The following BRCA2 variants were observed in gnomAD, a reference collection of about 807,000 sequenced individuals.
The protein encoded by BRCA2 is BRCA2 DNA repair associated.
BRCA2 carries 203 observed loss-of-function variants against 276.7 expected under a neutral mutation model. That is an observed-to-expected ratio of 0.73 (90% CI 0.65 to 0.82). The LOEUF (loss-of-function observed/expected upper bound fraction) is 0.82, where lower values mean the gene tolerates loss of function less well. BRCA2 is among the 40% of genes least tolerant of loss of function. BRCA2 has a pLI of 0.00. For missense variants in BRCA2, 3,920 were observed against 3,915.0 expected, an observed-to-expected ratio of 1.00 and a Z score of -0.03; for synonymous variants, 1,289 against 1,338.4, an observed-to-expected ratio of 0.96 and a Z score of 0.81.
chr13:32,343,584 G>A (rs1166723096), intron 11 of BRCA2, among the ~76,000 whole-genome samples: 3 of 152,106 alleles, frequency 2.0e-5, no homozygotes, highest in Non-Finnish European at 4.4e-5. Flanking sequence ...CTGTCCTTTA[G>A]TGTGAAATTC....
In BRCA2 at chr13:32,329,483, T is replaced by C; in HGVS notation, c.672T>C (p.Asp224=). The stretch of plus-strand genomic sequence containing the variant: ...CATCTGAAACTGTATTTCCTCATGA[T>C]ACTACTGCTGTAAGTAAATATGACA... ...EEASETVFPH[D]TTANVKSYFS... is the part of the protein sequence containing the mutation. The change falls in exon 8 of 27, where the codon GAT becomes GAC. Residue 224 remains aspartate (D), a synonymous_variant. Transcript: ENST00000380152. 1 of 1,597,158 alleles carries C rather than the reference T, an allele frequency of 6.3e-7. No individual in the cohort carries two copies.
chr13:32,387,196 C>G (rs531332613), intron 24 of BRCA2, among the ~76,000 whole-genome samples: 1 of 152,156 alleles, frequency 6.6e-6, no homozygotes, highest in African/African-American at 2.4e-5. Context: ...ACTGAAGGCA[C>G]AAACTATTTC....
At chr13:32,360,941 T>C (rs2072734088) in intron 16 of BRCA2, among the ~76,000 whole-genome samples, 1 of 152,180 alleles carries the variant, frequency 6.6e-6, no homozygotes. Flanking sequence ...GATAGAGTTG[T>C]ATGTAACTAC....
At chr13:32,357,235 G>T (rs775173828) in intron 15 of BRCA2, among the ~76,000 whole-genome samples, 5 of 152,194 alleles carry the variant, frequency 3.3e-5, no homozygotes, top group Admixed American at 6.5e-5. Flanking sequence ...ACTAGTAAGT[G>T]GAAGTGCTAT....
chr13:32,361,608 G>A (rs2062923627), intron 16 of BRCA2, among the ~76,000 whole-genome samples: 1 of 152,166 alleles, frequency 6.6e-6, no homozygotes, highest in Admixed American at 6.5e-5. Context: ...GAGAGAGGAG[G>A]CATTTCCTGA....
intron 13 of BRCA2, among the ~76,000 whole-genome samples, chr13:32,347,926 A>T (rs1488091688): frequency 2.6e-5 from 4 of 152,204 alleles, no homozygotes; most frequent in African/African-American, 4.8e-5. Flanking sequence ...ATAACTAGTC[A>T]TTGGAAGAAA....
In BRCA2 at chr13:32,398,553, T is replaced by C. The variant is rs587782373; in HGVS notation, c.10040T>C (p.Ile3347Thr). 1.9e-6 allele frequency: 3 copies of C among 1,614,076 alleles called. No homozygotes were observed. The highest frequency in any genetic ancestry group is 2.5e-6 in the Non-Finnish European group (3 of 1,180,038). Residue 3347 changes from isoleucine to threonine, a missense_variant, in exon 27 of 27, where the codon ATA becomes ACA. This residue lies in a region of BRCA2 where 657 missense variants were observed against 758.2 expected (regional missense o/e 0.87). Coordinates refer to ENST00000380152, the MANE Select transcript of BRCA2 (RefSeq NM_000059.4). Reference protein sequence around the residue: ...NSIADEELALINTQALLSGST... With the variant: ...NSIADEELALTNTQALLSGST... ...ATAGCTGACGAAGAACTTGCATTGATAAATACCCAAGCTCTTTTGTCTGGT... is the reference window on the plus strand; with the variant it reads ...ATAGCTGACGAAGAACTTGCATTGACAAATACCCAAGCTCTTTTGTCTGGT...
At chr13:32,385,040 A>C in intron 24 of BRCA2, 1 of 323,064 alleles carries the variant, frequency 3.1e-6, no homozygotes, top group Non-Finnish European at 6.2e-6. Context: ...ATTTGCAAGA[A>C]GTTTTCAAGT....
intron 24 of BRCA2, among the ~76,000 whole-genome samples, chr13:32,393,342 C>A (rs965471819): frequency 2.6e-5 from 4 of 152,124 alleles, no homozygotes; most frequent in Non-Finnish European, 5.9e-5. Context: ...AATTGGAATT[C>A]TATAAGGAAA....
chr13:32,380,194 TTG>T, intron 24 of BRCA2, 49 bp downstream of exon 24: 1 of 1,552,724 alleles, frequency 6.4e-7, no homozygotes, highest in Non-Finnish European at 8.7e-7. Flanking sequence ...TTAAAAAACA[TTG>T]TCTTTTAAAA....
chr13:32,370,027 G>A (rs2072816239), intron 18 of BRCA2, among the ~76,000 whole-genome samples: 1 of 152,126 alleles, frequency 6.6e-6, no homozygotes, highest in Admixed American at 6.5e-5. Context: ...CCAAAATTTT[G>A]GTGATACCTC....
rs2072736700 is a variant in BRCA2, at chr13:32,361,431, G to A, written c.7806-1092G>A. 2.6e-5 allele frequency among the ~76,000 whole-genome samples: 4 copies of A among 152,216 alleles called. No homozygotes were observed. In the South Asian group the frequency reaches 8.3e-4, roughly 32 times the overall value. On this transcript the variant is annotated intron_variant, in intron 16 of 26. Transcript: ENST00000380152. ...GGAGGAATTGGAGACACAGAATACA[G>A]TCGATTCTTTTGGGAGTTGCCAAAA...
intron 18 of BRCA2, among the ~76,000 whole-genome samples, chr13:32,367,143 GATA>G (rs1417280453): frequency 6.6e-6 from 1 of 151,722 alleles, no homozygotes; most frequent in African/African-American, 2.4e-5. Flanking sequence ...CATCAGAAAG[GATA>G]ATAACAGGCT....
At position 32,386,098 on chromosome 13, in the gene BRCA2, A is replaced by G. The variant is rs543863004; in HGVS notation, c.9256+5953A>G. On this transcript the variant is annotated intron_variant, in intron 24 of 26. Coordinates refer to ENST00000380152, the MANE Select transcript of BRCA2 (RefSeq NM_000059.4). ...CTGCTGAGTTTTAGAACTCTGTGGG[A>G]CAGGGTCCTTAGGCACTCAAATATT... 10 of 182,050 alleles carry G rather than the reference A, an allele frequency of 5.5e-5. No individual in the cohort carries two copies. In the South Asian group the frequency reaches 1.3e-3, roughly 23 times the overall value. The allele number at this position is 182,050 out of a possible 1,614,324, so 11.3% of individuals were successfully genotyped here.
chr13:32,332,982 A>C lies in BRCA2; in HGVS notation c.1504A>C (p.Lys502Gln), dbSNP rs276174809. ...SPVASSFQGI[K>Q]KSIFRIRESP... The stretch of plus-strand genomic sequence containing the variant: ...AGTGGCTTCTTCATTTCAGGGTATC[A>C]AAAAGTCTATATTCAGAATAAGAGA... Residue 502 changes from lysine (K) to glutamine (Q), a missense_variant, in exon 10 of 27, where the codon AAA becomes CAA. By Grantham distance (53) the Lys-to-Gln change is moderately conservative. This residue lies in a region of BRCA2 where 3,263 missense variants were observed against 3,156.9 expected (regional missense o/e 1.03). Transcript: ENST00000380152. 2 of 1,594,968 alleles carry C rather than the reference A, an allele frequency of 1.3e-6. No homozygotes were observed. The highest frequency in any genetic ancestry group is 8.5e-7 in the Non-Finnish European group (1 of 1,175,240).
Position 32,355,182 on chromosome 13 carries a change from T to C in BRCA2, c.7329T>C (p.Asp2443=). Residue 2443 remains aspartate, a synonymous_variant, in exon 14 of 27, where the codon GAT becomes GAC. Coordinates refer to ENST00000380152, the MANE Select transcript of BRCA2 (RefSeq NM_000059.4). ...AAAACATTGATGGACATGGCTCTGA[T>C]GATAGTAAAAATAAGATTAATGACA... is the stretch of plus-strand genomic sequence containing the variant. ...QKQNIDGHGS[D]DSKNKINDNE... is the part of the protein sequence containing the mutation. 1.2e-6 allele frequency: 2 copies of C among 1,613,894 alleles called. No homozygotes were observed. The highest frequency in any genetic ancestry group is 1.7e-6 in the Non-Finnish European group (2 of 1,179,828).
intron 24 of BRCA2, among the ~76,000 whole-genome samples, chr13:32,386,657 C>T (rs949413880): frequency 1.3e-5 from 2 of 151,388 alleles, no homozygotes; most frequent in African/African-American, 2.4e-5. Context: ...GTGAGAAGGT[C>T]GGTGCCATGA....
intron 24 of BRCA2, among the ~76,000 whole-genome samples, chr13:32,389,140 T>A (rs1307227725): frequency 6.6e-6 from 1 of 152,238 alleles, no homozygotes; most frequent in Non-Finnish European, 1.5e-5. Context: ...CTAGTATCAA[T>A]ATTCTACCAC....
At chr13:32,357,718 T>TTTGTGTGTG (rs747946768) in intron 15 of BRCA2, 24 bp from the exon 16 acceptor site, 1 of 1,600,764 alleles carries the variant, frequency 6.2e-7, no homozygotes, top group African/African-American at 1.3e-5. Context: ...GTTTTTCTTT[T>TTTGTGTGTG]TTGTGTGTGT....
Sources: allele counts gnomAD v4.1 joint callset (sites outside exome capture counted in the v4.1 genomes callset), GRCh38; gene constraint gnomAD v4.1.1; regional missense constraint gnomAD v4.1.1; transcripts MANE v1.5; gene names NCBI Gene and HGNC (gene_info 2026-07-23, HGNC 2026-07-21).